CRY1: variants seen among roughly 807,000 people sequenced by gnomAD.
CRY1 encodes cryptochrome circadian regulator 1.
In CRY1, 45 loss-of-function variants were observed where a neutral mutation model predicts 76.0. The observed-to-expected ratio is 0.59, with a 90% CI of 0.47 to 0.76. The LOEUF (loss-of-function observed/expected upper bound fraction) is 0.76, where lower values mean the gene tolerates loss of function less well. Ranked by LOEUF, CRY1 falls within the 30% of genes least tolerant of loss-of-function variation. The pLI, the probability that CRY1 is intolerant of heterozygous loss-of-function variation, is 0.00. For synonymous variants in CRY1, 248 were observed against 244.0 expected (o/e 1.02, Z -0.15); for missense variants, 587 against 716.4 (o/e 0.82, Z 2.06).
chr12:107,063,009 CTTTA>C (rs1263725246), intron 1 of CRY1, among the ~76,000 whole-genome samples: 6 of 152,196 alleles, frequency 3.9e-5, no homozygotes, highest in Admixed American at 6.5e-5. Flanking sequence ...TTATACAAAA[CTTTA>C]TTTATTTTTA....
intron 1 of CRY1, among the ~76,000 whole-genome samples, chr12:107,045,621 G>A (rs893938902): frequency 4.6e-5 from 7 of 152,122 alleles, no homozygotes; most frequent in Non-Finnish European, 7.4e-5. Flanking sequence ...GGTTTTTATG[G>A]TTTTAGGTCT....
chr12:106,995,677 G>C (rs1168613244), intron 10 of CRY1, among the ~76,000 whole-genome samples: 1 of 151,266 alleles, frequency 6.6e-6, no homozygotes, highest in East Asian at 1.9e-4. Flanking sequence ...TAAGTTCTGG[G>C]GTACATGTGC....
chr12:107,084,361 CCT>C (rs1467731068), intron 1 of CRY1, among the ~76,000 whole-genome samples: 5 of 152,136 alleles, frequency 3.3e-5, no homozygotes, highest in African/African-American at 1.2e-4. Flanking sequence ...AAAAAAAGAG[CCT>C]GTATAGCCAA....
chr12:107,091,044 C>G (rs564955101), intron 1 of CRY1, among the ~76,000 whole-genome samples: 1 of 151,436 alleles, frequency 6.6e-6, no homozygotes, highest in Non-Finnish European at 1.5e-5. Context: ...AACTATAAGT[C>G]CTTTTTTTTT....
rs200325914 is a variant in CRY1, at chr12:106,999,617, G to C, written c.1071C>G (p.Ala357=). Residue 357 remains alanine (A), a synonymous_variant, in exon 7 of 13, where the codon GCC becomes GCG. Coordinates refer to ENST00000008527, the MANE Select transcript of CRY1 (RefSeq NM_004075.5). ...TCAGGAAGCAAGCAACTGCATGCCT[G>C]GCTAGATGATGAATCCAACCCTCCT... ...LRQEGWIHHL[A]RHAVACFLTR... 1.2e-6 allele frequency: 2 copies of C among 1,614,222 alleles called. No individual in the cohort carries two copies. Among genetic ancestry groups the C allele is most frequent in the South Asian group, 2.2e-5 (2 of 91,084 alleles).
Position 106,999,719 on chromosome 12 carries a change from A to AT in CRY1, c.968dup (p.Asn323LysfsTer3). Reference sequence around the variant, plus strand: ...CCGCCCATTTGGCTAAAGCCTCAGGATTTTTATCCCAAGGAATCTGAACAC... The same window carrying AT: ...CCGCCCATTTGGCTAAAGCCTCAGGATTTTTTATCCCAAGGAATCTGAACAC... On this transcript the variant is annotated frameshift_variant, in exon 7 of 13. Coordinates refer to ENST00000008527, the MANE Select transcript of CRY1 (RefSeq NM_004075.5). LOFTEE classifies it high-confidence loss of function. 6.2e-7 allele frequency: 1 copy of AT among 1,614,218 alleles called. No homozygotes were observed. The highest frequency in any genetic ancestry group is 8.5e-7 in the Non-Finnish European group (1 of 1,180,034).
chr12:107,087,004 GAAAGAAAGAA>G (rs767216463), intron 1 of CRY1, among the ~76,000 whole-genome samples: 85 of 148,452 alleles, frequency 5.7e-4, no homozygotes, highest in Non-Finnish European at 1.1e-3. Flanking sequence ...AAGAAACAAA[GAAAGAAAGAA>G]AAAGAAAGAA....
intron 1 of CRY1, among the ~76,000 whole-genome samples, chr12:107,023,392 T>C (rs1484387295): frequency 1.3e-5 from 2 of 152,262 alleles, no homozygotes; most frequent in African/African-American, 4.8e-5. Flanking sequence ...GCCACATGTA[T>C]AGCTGGTGGC....
At chr12:107,056,047 T>C (rs1225754646) in intron 1 of CRY1, among the ~76,000 whole-genome samples, 3 of 152,092 alleles carry the variant, frequency 2.0e-5, no homozygotes, top group African/African-American at 7.2e-5. Context: ...AAAAGCTAAG[T>C]CGAACATATA....
At chr12:107,020,534 T>TG (rs896979294) in intron 2 of CRY1, among the ~76,000 whole-genome samples, 2 of 151,528 alleles carry the variant, frequency 1.3e-5, no homozygotes, top group African/African-American at 4.9e-5. Flanking sequence ...TGTTTTTTTT[T>TG]TTGTTTTTTG....
intron 1 of CRY1, among the ~76,000 whole-genome samples, chr12:107,057,467 C>A (rs770395480): frequency 1.2e-4 from 18 of 152,156 alleles, no homozygotes; most frequent in African/African-American, 4.3e-4. Flanking sequence ...AGAAGAATGC[C>A]TCTTTCTTTC....
intron 1 of CRY1, among the ~76,000 whole-genome samples, chr12:107,041,032 A>G (rs1395979920): frequency 2.0e-5 from 3 of 152,186 alleles, no homozygotes; most frequent in South Asian, 2.1e-4. Context: ...TACAGGCATG[A>G]GCCACTGCAT....
rs1372235299 is a variant in CRY1 at position 106,991,857 on chromosome 12, A to T, written c.*145T>A. 1 of 152,598 alleles carries T rather than the reference A, an allele frequency of 6.6e-6. No homozygotes were observed. Among genetic ancestry groups the T allele is most frequent in the African/African-American group, 2.4e-5 (1 of 41,450 alleles). The allele number at this position is 152,598 out of a possible 1,614,324, so 9.5% of individuals were successfully genotyped here. A position where few individuals can be genotyped will look rare whatever the true frequency, so the allele number is the denominator to read the frequency against. On this transcript the variant is annotated 3_prime_UTR_variant, in exon 13 of 13. Transcript: ENST00000008527. ...CCTCTGTGAAATTCATTAAAAAGTT[A>T]AAAACCACAGAAATGTCATTAGAAA... is the stretch of plus-strand genomic sequence containing the variant.
chr12:107,024,842 AT>A (rs1236897520), intron 1 of CRY1, among the ~76,000 whole-genome samples: 2 of 152,224 alleles, frequency 1.3e-5, no homozygotes, highest in African/African-American at 4.8e-5. Context: ...TCTTCCACAG[AT>A]ATAACTTACA....
At chr12:107,051,386 G>A (rs989170289) in intron 1 of CRY1, among the ~76,000 whole-genome samples, 1 of 152,066 alleles carries the variant, frequency 6.6e-6, no homozygotes, top group African/African-American at 2.4e-5. Flanking sequence ...CCAATAAAAT[G>A]CAGAAAATTG....
At chr12:107,078,449 C>T (rs1170782973) in intron 1 of CRY1, among the ~76,000 whole-genome samples, 1 of 152,122 alleles carries the variant, frequency 6.6e-6, no homozygotes. Flanking sequence ...CTCCTGGATC[C>T]TCTTTTTACC....
intron 1 of CRY1, among the ~76,000 whole-genome samples, chr12:107,047,066 G>GAAT (rs1952857321): frequency 6.6e-6 from 1 of 152,188 alleles, no homozygotes; most frequent in Non-Finnish European, 1.5e-5. Context: ...CACAGTTGTA[G>GAAT]AATACACATT....
At chr12:106,999,405 T>C in intron 7 of CRY1, 146 bp downstream of exon 7, 1 of 688,422 alleles carries the variant, frequency 1.5e-6, no homozygotes, top group Non-Finnish European at 2.3e-6. Context: ...TCTCTGAAAG[T>C]GTCCCCGTAT....
chr12:107,075,960 T>C (rs1953247116), intron 1 of CRY1, among the ~76,000 whole-genome samples: 1 of 152,048 alleles, frequency 6.6e-6, no homozygotes, highest in Non-Finnish European at 1.5e-5. Context: ...AATGTTGACA[T>C]TTACTGTGAT....
Sources: gnomAD v4.1 joint callset for allele counts (sites outside exome capture counted in the v4.1 genomes callset) on GRCh38, gnomAD v4.1.1 for gene constraint, MANE v1.5 for transcripts, NCBI Gene and HGNC (gene_info 2026-07-23, HGNC 2026-07-21) for gene names.